Variants in PTPRD observed in about 807,000 individuals in gnomAD.
PTPRD encodes receptor-type tyrosine-protein phosphatase delta.
A neutral mutation model predicts 214.5 loss-of-function variants in PTPRD; 34 were observed. The observed-to-expected ratio is 0.16, with a 90% CI of 0.12 to 0.21. The LOEUF is 0.21. PTPRD is among the 10% of genes least tolerant of loss of function. The probability of loss-of-function intolerance (pLI) is 1.00; values close to 1 mark genes in which losing one functional copy is unlikely to be tolerated. For missense variants in PTPRD, 2,545 were observed against 2,398.7 expected (o/e 1.06, Z -1.27); for synonymous variants, 1,128 against 845.7 (o/e 1.33, Z -5.79).
At chr9:8,395,710 TA>T (rs2090955296) in intron 36 of PTPRD, among the ~76,000 whole-genome samples, 1 of 151,926 alleles carries the variant, frequency 6.6e-6, no homozygotes, top group Non-Finnish European at 1.5e-5. Context: ...AAACAGATGA[TA>T]TTCAGAGTAT....
intron 14 of PTPRD, among the ~76,000 whole-genome samples, chr9:8,609,059 C>G (rs959701334): frequency 6.6e-6 from 1 of 152,146 alleles, no homozygotes; most frequent in Non-Finnish European, 1.5e-5. Flanking sequence ...GCACAACCAT[C>G]AACAAAAACA....
At chr9:9,725,326 T>C (rs763300839) in intron 7 of PTPRD, among the ~76,000 whole-genome samples, 2 of 151,788 alleles carry the variant, frequency 1.3e-5, no homozygotes, top group Non-Finnish European at 2.9e-5. Context: ...TTTTTTTTTT[T>C]TGCCTGCTGC....
chr9:10,205,789 C>T lies in PTPRD; in HGVS notation c.-545+135174G>A, dbSNP rs560591464. Among the ~76,000 whole-genome samples, 43 of 152,144 alleles carry T rather than the reference C, an allele frequency of 2.8e-4. 1 individual carries two copies. Among genetic ancestry groups the T allele is most frequent in the African/African-American group, 1.0e-3 (43 of 41,518 alleles). On this transcript the variant is annotated intron_variant, in intron 3 of 45. Coordinates refer to ENST00000381196, the MANE Select transcript of PTPRD (RefSeq NM_002839.4). ...TATCTAGAATTTTAAAGTAATTCAACTATTTTATAATAATTTTAAATGAAA... is the reference window on the plus strand; with the variant it reads ...TATCTAGAATTTTAAAGTAATTCAATTATTTTATAATAATTTTAAATGAAA...
chr9:9,916,341 T>C (rs1054329692), intron 5 of PTPRD, among the ~76,000 whole-genome samples: 26 of 151,638 alleles, frequency 1.7e-4, no homozygotes, highest in Admixed American at 4.6e-4. Context: ...CATATCACTA[T>C]AGAAAACCAA....
intron 11 of PTPRD, among the ~76,000 whole-genome samples, chr9:8,919,030 G>A (rs1219675085): frequency 6.6e-6 from 1 of 152,158 alleles, no homozygotes; most frequent in Non-Finnish European, 1.5e-5. Flanking sequence ...CACAGTGGAT[G>A]TATGCAGATC....
At chr9:9,751,122 A>C (rs929611050) in intron 6 of PTPRD, among the ~76,000 whole-genome samples, 1 of 152,118 alleles carries the variant, frequency 6.6e-6, no homozygotes, top group Non-Finnish European at 1.5e-5. Context: ...ACAATAAAAC[A>C]AACAGAAAAT....
chr9:8,621,819 A>G (rs2095835954), intron 14 of PTPRD, among the ~76,000 whole-genome samples: 1 of 151,936 alleles, frequency 6.6e-6, no homozygotes, highest in Non-Finnish European at 1.5e-5. Context: ...TTGAGTGTAA[A>G]TAAAAGGCTC....
At chr9:9,657,238 T>C (rs570687264) in intron 7 of PTPRD, among the ~76,000 whole-genome samples, 62 of 152,150 alleles carry the variant, frequency 4.1e-4, no homozygotes, top group African/African-American at 1.5e-3. Flanking sequence ...ACAAATTATC[T>C]ATGGTTTCAA....
intron 11 of PTPRD, among the ~76,000 whole-genome samples, chr9:8,967,682 C>G (rs1033454950): frequency 1.3e-5 from 2 of 152,014 alleles, no homozygotes; most frequent in Admixed American, 1.3e-4. Context: ...AAAAATAAAA[C>G]TGAATTCTTA....
intron 14 of PTPRD, among the ~76,000 whole-genome samples, chr9:8,603,941 T>C (rs2095041167): frequency 6.6e-6 from 1 of 152,206 alleles, no homozygotes; most frequent in Admixed American, 6.5e-5. Flanking sequence ...ATGTGTTTCC[T>C]ATCAACCATG....
chr9:9,401,287 C>CACATAT (rs2070346926), intron 8 of PTPRD, among the ~76,000 whole-genome samples: 1 of 151,910 alleles, frequency 6.6e-6, no homozygotes, highest in Non-Finnish European at 1.5e-5. Flanking sequence ...CATACACATA[C>CACATAT]GCACACATAT....
At chr9:9,504,209 T>C (rs2096514273) in intron 8 of PTPRD, among the ~76,000 whole-genome samples, 1 of 151,792 alleles carries the variant, frequency 6.6e-6, no homozygotes, top group Admixed American at 6.6e-5. Context: ...CATTCTTAAA[T>C]GGACAAGCTT....
At chr9:10,111,262 G>A (rs2098689423) in intron 3 of PTPRD, among the ~76,000 whole-genome samples, 1 of 107,954 alleles carries the variant, frequency 9.3e-6, no homozygotes, top group Admixed American at 1.3e-4. Context: ...TTTTTGAGAC[G>A]GAGTCTCGCT....
chr9:9,878,700 C>A (rs1453015746), intron 5 of PTPRD, among the ~76,000 whole-genome samples: 1 of 152,066 alleles, frequency 6.6e-6, no homozygotes, highest in Non-Finnish European at 1.5e-5. Context: ...TTAAGCATAA[C>A]CCACCAAATA....
intron 12 of PTPRD, among the ~76,000 whole-genome samples, chr9:8,699,614 G>A (rs531684853): frequency 1.3e-5 from 2 of 152,114 alleles, no homozygotes; most frequent in African/African-American, 4.8e-5. Context: ...ACTTGGTTGG[G>A]CCAGTAACTT....
chr9:10,166,070 G>C (rs1055288161), intron 3 of PTPRD, among the ~76,000 whole-genome samples: 1 of 149,166 alleles, frequency 6.7e-6, no homozygotes, highest in Non-Finnish European at 1.5e-5. Flanking sequence ...TTTAAATAAT[G>C]CATAATATAT....
At chr9:9,869,425 C>A (rs547783110) in intron 5 of PTPRD, among the ~76,000 whole-genome samples, 1 of 152,000 alleles carries the variant, frequency 6.6e-6, no homozygotes, top group East Asian at 1.9e-4. Context: ...AGGTTGACAC[C>A]AGCTGAATTC....
chr9:9,712,065 T>G (rs924876813), intron 7 of PTPRD, among the ~76,000 whole-genome samples: 2 of 152,170 alleles, frequency 1.3e-5, no homozygotes, highest in Non-Finnish European at 2.9e-5. Flanking sequence ...CTCAAAAATT[T>G]AAACAAGTTT....
At chr9:8,422,230 A>G (rs1325735582) in intron 35 of PTPRD, among the ~76,000 whole-genome samples, 1 of 151,736 alleles carries the variant, frequency 6.6e-6, no homozygotes, top group Non-Finnish European at 1.5e-5. Context: ...AGAAAAACAT[A>G]TAAAATATAT....
Sources: allele counts gnomAD v4.1 joint callset (sites outside exome capture counted in the v4.1 genomes callset), GRCh38; gene constraint gnomAD v4.1.1; transcripts MANE v1.5; gene names NCBI Gene and HGNC (gene_info 2026-07-23, HGNC 2026-07-21).